MYO6: variants seen among roughly 807,000 people sequenced by gnomAD.
MYO6 encodes myosin VI, also known as unconventional myosin-VI.
A neutral mutation model predicts 178.7 loss-of-function variants in MYO6; 74 were observed. The ratio of observed to expected loss-of-function variants is 0.41; its 90% CI spans 0.34 to 0.50. The LOEUF (loss-of-function observed/expected upper bound fraction) is 0.50. Ranked by LOEUF, MYO6 falls within the 20% of genes least tolerant of loss-of-function variation. The pLI, the probability that MYO6 is intolerant of heterozygous loss-of-function variation, is 0.09. For synonymous variants in MYO6, 477 were observed against 504.6 expected (o/e 0.95, Z 0.73); for missense variants, 1,330 against 1,547.4 (o/e 0.86, Z 2.36).
chr6:75,834,453 C>G (rs367589790), intron 6 of MYO6, among the ~76,000 whole-genome samples: 95 of 151,968 alleles, frequency 6.3e-4, no homozygotes, highest in African/African-American at 2.1e-3. Context: ...GGCTGGTGTC[C>G]AGCTCCTGGA....
chr6:75,868,611 A>T (rs1260821385), intron 18 of MYO6, among the ~76,000 whole-genome samples: 1 of 152,120 alleles, frequency 6.6e-6, no homozygotes, highest in Non-Finnish European at 1.5e-5. Flanking sequence ...GAATGATACT[A>T]ATAATAAAAT....
At chr6:75,811,539 T>C (rs1257685153) in intron 1 of MYO6, among the ~76,000 whole-genome samples, 2 of 152,242 alleles carry the variant, frequency 1.3e-5, no homozygotes, top group Non-Finnish European at 2.9e-5. Context: ...TGGGAAGTCA[T>C]AGTTAACAGT....
In MYO6 at chr6:75,899,702, C is replaced by CTT. The variant is rs57012582; in HGVS notation, c.3176+1305_3176+1306dup. The stretch of plus-strand genomic sequence containing the variant: ...GAAGGACTAATGGCCACACATTATT[C>CTT]TTTTTTTTTTTTTTTCTTCTGGAAC... On this transcript the variant is annotated intron_variant, in intron 30 of 34. Coordinates refer to ENST00000369977, the MANE Select transcript of MYO6 (RefSeq NM_004999.4). 1.6e-3 allele frequency among the ~76,000 whole-genome samples: 221 copies of CTT among 141,312 alleles called. 1 individual carries two copies. The highest frequency in any genetic ancestry group is 5.0e-3 in the African/African-American group (196 of 38,968). 92.7% of individuals were successfully genotyped at this position (141,312 alleles called of 152,430 possible).
intron 16 of MYO6, among the ~76,000 whole-genome samples, chr6:75,865,996 AT>A (rs1477132539): frequency 1.3e-5 from 2 of 151,960 alleles, no homozygotes; most frequent in African/African-American, 4.8e-5. Flanking sequence ...TGATGATTGG[AT>A]TTTCATGCTC....
intron 1 of MYO6, among the ~76,000 whole-genome samples, chr6:75,791,077 C>T (rs62414774): frequency 7.2e-5 from 11 of 152,032 alleles, no homozygotes; most frequent in Non-Finnish European, 1.5e-4. Context: ...GGACTACAGG[C>T]GCCTGCCACC....
Position 75,878,124 on chromosome 6 carries a change from G to T in MYO6, c.2078-1696G>T, listed in dbSNP as rs1777717432. 7.9e-5 allele frequency among the ~76,000 whole-genome samples: 12 copies of T among 152,104 alleles called. No homozygotes were observed. The South Asian group carries it at 2.5e-3, about 32-fold the overall frequency. ...CATTAATTAATATTGAAAATTCACA[G>T]TAACAGAAATTAAATAGTACAGAAT... On this transcript the variant is annotated intron_variant, in intron 20 of 34. Transcript: ENST00000369977.
chr6:75,915,107 GTTAC>G lies in MYO6; in HGVS notation c.*98_*101del, dbSNP rs1781053258. On this transcript the variant is annotated 3_prime_UTR_variant, in exon 35 of 35. Transcript: ENST00000369977. ...TTAACCATTCCATAATCATGTTAGA[GTTAC>G]TTCTATAAAGTGAACAGATTTTATT... The G allele has an allele frequency of 8.5e-6, 10 of 1,180,484 alleles. No individual in the cohort carries two copies. In the South Asian group the frequency reaches 9.2e-5, roughly 11 times the overall value. The allele number at this position is 1,180,484 out of a possible 1,614,324, so 73.1% of individuals were successfully genotyped here.
At chr6:75,853,920 A>G (rs1469014158) in intron 11 of MYO6, among the ~76,000 whole-genome samples, 2 of 148,570 alleles carry the variant, frequency 1.3e-5, no homozygotes, top group Non-Finnish European at 3.0e-5. Context: ...AATAGCAACC[A>G]TGTAAGGTAG....
chr6:75,842,446 T>C (rs1774331368), intron 9 of MYO6, among the ~76,000 whole-genome samples: 1 of 152,198 alleles, frequency 6.6e-6, no homozygotes, highest in South Asian at 2.1e-4. Flanking sequence ...TTGAGAATCA[T>C]AACACACATA....
intron 1 of MYO6, among the ~76,000 whole-genome samples, chr6:75,766,094 G>A (rs1450935384): frequency 1.3e-5 from 2 of 152,138 alleles, no homozygotes; most frequent in African/African-American, 4.8e-5. Flanking sequence ...AGGCCGAGGC[G>A]GGCAGATCAC....
At chr6:75,821,644 C>CAA (rs1166899314) in intron 2 of MYO6, among the ~76,000 whole-genome samples, 1 of 150,090 alleles carries the variant, frequency 6.7e-6, no homozygotes, top group Non-Finnish European at 1.5e-5. Context: ...CACACAAACA[C>CAA]ACACACACAC....
At position 75,918,020 on chromosome 6, in the gene MYO6, G is replaced by A. The variant is rs977851572; in HGVS notation, c.*3008G>A. The stretch of plus-strand genomic sequence containing the variant: ...TTATGGAAGAGGTAACAGATCCAGA[G>A]AGGTCAAGTAATTTAGTTGTAGACT... On this transcript the variant is annotated 3_prime_UTR_variant, in exon 35 of 35. Coordinates refer to ENST00000369977, the MANE Select transcript of MYO6 (RefSeq NM_004999.4). 2.0e-5 allele frequency: 3 copies of A among 152,398 alleles called. No homozygotes were observed. The highest frequency in any genetic ancestry group is 7.2e-5 in the African/African-American group (3 of 41,416). 9.4% of individuals were successfully genotyped at this position (152,398 alleles called of 1,614,324 possible). A position where few individuals can be genotyped will look rare whatever the true frequency, so the allele number is the denominator to read the frequency against.
chr6:75,898,770 G>A (rs1779508272), intron 30 of MYO6, among the ~76,000 whole-genome samples: 1 of 152,094 alleles, frequency 6.6e-6, no homozygotes, highest in African/African-American at 2.4e-5. Context: ...GGGTGGTGCT[G>A]CCCCTAATTT....
At chr6:75,803,708 C>T (rs1459609852) in intron 1 of MYO6, among the ~76,000 whole-genome samples, 1 of 152,050 alleles carries the variant, frequency 6.6e-6, no homozygotes, top group African/African-American at 2.4e-5. Context: ...CGAGTTTGGA[C>T]TTAGTGATGG....
intron 19 of MYO6, among the ~76,000 whole-genome samples, chr6:75,872,173 GTGTT>G (rs1157310173): frequency 3.3e-5 from 5 of 151,968 alleles, no homozygotes; most frequent in South Asian, 4.2e-4. Flanking sequence ...ATAAATAAAA[GTGTT>G]TGTAGGGAGC....
rs1467447825 is a variant in MYO6 at position 75,843,898 on chromosome 6, AT to A, written c.817-991del. Among the ~76,000 whole-genome samples, 3 of 152,054 alleles carry A rather than the reference AT, an allele frequency of 2.0e-5. No homozygotes were observed. The South Asian group carries it at 6.2e-4, about 32-fold the overall frequency. ...CCCAAATCATTCAAATTTTTATAAAATTTTTTTTGGTATGTGTATGATGAGG... is the reference window on the plus strand; with the variant it reads ...CCCAAATCATTCAAATTTTTATAAAATTTTTTTGGTATGTGTATGATGAGG... On this transcript the variant is annotated intron_variant, in intron 9 of 34. Transcript: ENST00000369977.
chr6:75,835,595 C>T (rs1258144943), intron 6 of MYO6, among the ~76,000 whole-genome samples: 1 of 152,030 alleles, frequency 6.6e-6, no homozygotes, highest in Non-Finnish European at 1.5e-5. Context: ...GCATGCCTGG[C>T]TAATTTTTTG....
chr6:75,895,355 A>G (rs1461723755), intron 29 of MYO6, 95 bp downstream of exon 29: 3 of 1,010,188 alleles, frequency 3.0e-6, no homozygotes, highest in Non-Finnish European at 4.6e-6. Context: ...ATTTTCTTCT[A>G]TTGAAAGGTA....
At chr6:75,778,794 C>T (rs1250721152) in intron 1 of MYO6, among the ~76,000 whole-genome samples, 2 of 151,360 alleles carry the variant, frequency 1.3e-5, no homozygotes, top group Non-Finnish European at 2.9e-5. Context: ...CAGTGGCTCA[C>T]GCCTGTAATC....
Sources: allele counts gnomAD v4.1 joint callset (sites outside exome capture counted in the v4.1 genomes callset), GRCh38; gene constraint gnomAD v4.1.1; transcripts MANE v1.5; gene names NCBI Gene and HGNC (gene_info 2026-07-23, HGNC 2026-07-21).